Variants in TMEM74 observed in about 807,000 individuals in gnomAD.
The protein encoded by TMEM74 is transmembrane protein 74.
In TMEM74, 13 loss-of-function variants were observed where a neutral mutation model predicts 18.1. The observed-to-expected ratio is 0.72, with a 90% CI of 0.47 to 1.14. The LOEUF is 1.14. TMEM74 is among the 50% of genes most tolerant of loss of function. The probability of loss-of-function intolerance (pLI) is 0.00; values close to 1 mark genes in which losing one functional copy is unlikely to be tolerated. For synonymous variants in TMEM74, 159 were observed against 146.6 expected (o/e 1.08, Z -0.61); for missense variants, 372 against 375.9 (o/e 0.99, Z 0.09).
intron 1 of TMEM74, among the ~76,000 whole-genome samples, chr8:108,688,002 A>C (rs1478800136): frequency 6.6e-6 from 1 of 152,234 alleles, no homozygotes; most frequent in African/African-American, 2.4e-5. Context: ...AAAAGTTATA[A>C]ATATGAAATT....
At chr8:108,704,316 A>G (rs1220495069) in intron 1 of TMEM74, among the ~76,000 whole-genome samples, 2 of 152,130 alleles carry the variant, frequency 1.3e-5, no homozygotes, top group Non-Finnish European at 2.9e-5. Flanking sequence ...TTTTCATCCT[A>G]TTCATCCCAT....
chr8:108,609,958 C>T (rs1563731497), intron 2 of TMEM74, among the ~76,000 whole-genome samples: 1 of 152,136 alleles, frequency 6.6e-6, no homozygotes, highest in Non-Finnish European at 1.5e-5. Flanking sequence ...GAGCTCAGAA[C>T]AGAAGAAGAA....
At chr8:108,744,549 A>G (rs1813831362) in intron 1 of TMEM74, among the ~76,000 whole-genome samples, 1 of 152,192 alleles carries the variant, frequency 6.6e-6, no homozygotes, top group Non-Finnish European at 1.5e-5. Flanking sequence ...ACATTAGTGC[A>G]TAGTAAATCT....
At chr8:108,615,728 G>T (rs1047061050) in intron 2 of TMEM74, among the ~76,000 whole-genome samples, 35 of 151,824 alleles carry the variant, frequency 2.3e-4, no homozygotes, top group African/African-American at 8.0e-4. Context: ...AGCATGTCCC[G>T]TGGGGAGCTC....
chr8:108,751,992 G>T (rs1586284459), intron 1 of TMEM74, among the ~76,000 whole-genome samples: 1 of 152,212 alleles, frequency 6.6e-6, no homozygotes, highest in South Asian at 2.1e-4. Flanking sequence ...TGGATGCTGG[G>T]GACTATGGTC....
intron 1 of TMEM74, among the ~76,000 whole-genome samples, chr8:108,732,509 AC>A: frequency 6.6e-6 from 1 of 152,290 alleles, no homozygotes; most frequent in Middle Eastern, 3.4e-3. Flanking sequence ...AAGTTGCAGT[AC>A]TCAAGACAGT....
At chr8:108,649,460 C>CTTATGT (rs1812751683) in intron 2 of TMEM74, among the ~76,000 whole-genome samples, 1 of 152,122 alleles carries the variant, frequency 6.6e-6, no homozygotes, top group Non-Finnish European at 1.5e-5. Flanking sequence ...CTCTGGAAAA[C>CTTATGT]TTATGTTTAT....
At chr8:108,650,681 T>A (rs1266213417) in intron 2 of TMEM74, among the ~76,000 whole-genome samples, 1 of 151,020 alleles carries the variant, frequency 6.6e-6, no homozygotes, top group Non-Finnish European at 1.5e-5. Flanking sequence ...CTTGAATGTT[T>A]TATTCTCATT....
At chr8:108,630,892 G>T (rs1313199902) in intron 2 of TMEM74, among the ~76,000 whole-genome samples, 1 of 151,914 alleles carries the variant, frequency 6.6e-6, no homozygotes, top group East Asian at 1.9e-4. Context: ...GGAGTCATGA[G>T]TCTACCCCAG....
intron 1 of TMEM74, among the ~76,000 whole-genome samples, chr8:108,708,719 A>G (rs1813442960): frequency 6.8e-6 from 1 of 147,850 alleles, no homozygotes; most frequent in Non-Finnish European, 1.5e-5. Flanking sequence ...AATAAAATGC[A>G]GTCTATGGAA....
chr8:108,756,660 G>GAAAGAAAGA (rs1254638148), intron 1 of TMEM74, among the ~76,000 whole-genome samples: 1 of 76,640 alleles, frequency 1.3e-5, no homozygotes, highest in Non-Finnish European at 2.4e-5. Context: ...GAGAAAGAAA[G>GAAAGAAAGA]AAAGAAAGAA....
chr8:108,695,833 T>C (rs577554388), intron 1 of TMEM74, among the ~76,000 whole-genome samples: 1 of 152,334 alleles, frequency 6.6e-6, no homozygotes, highest in African/African-American at 2.4e-5. Flanking sequence ...AAATTTGTAC[T>C]TTTTCAGTGA....
intron 2 of TMEM74, among the ~76,000 whole-genome samples, chr8:108,642,177 T>C (rs1812671927): frequency 6.6e-6 from 1 of 151,982 alleles, no homozygotes; most frequent in African/African-American, 2.4e-5. Flanking sequence ...CGCGGGTGGA[T>C]TGCCTTAGAT....
intron 1 of TMEM74, among the ~76,000 whole-genome samples, chr8:108,679,290 A>G (rs1463147240): frequency 6.6e-6 from 1 of 152,172 alleles, no homozygotes; most frequent in Non-Finnish European, 1.5e-5. Flanking sequence ...GTCAAATGGT[A>G]TTTCTAGTTC....
chr8:108,729,594 T>C (rs895232736), intron 1 of TMEM74, among the ~76,000 whole-genome samples: 1 of 152,270 alleles, frequency 6.6e-6, no homozygotes, highest in Non-Finnish European at 1.5e-5. Flanking sequence ...AAGATGTTCC[T>C]ATAAAACTAT....
chr8:108,624,058 T>G (rs1245871431), intron 2 of TMEM74, among the ~76,000 whole-genome samples: 1 of 152,106 alleles, frequency 6.6e-6, no homozygotes, highest in African/African-American at 2.4e-5. Context: ...ATGCATAGTC[T>G]TGACAATTTA....
intron 1 of TMEM74, among the ~76,000 whole-genome samples, chr8:108,673,871 A>G (rs2130592411): frequency 6.6e-6 from 1 of 152,328 alleles, no homozygotes; most frequent in South Asian, 2.1e-4. Context: ...ACCCTACTGG[A>G]TAGTATTTAG....
intron 1 of TMEM74, among the ~76,000 whole-genome samples, chr8:108,710,805 T>C (rs1563532276): frequency 2.6e-5 from 4 of 152,244 alleles, no homozygotes; most frequent in Admixed American, 6.5e-5. Context: ...CAGCTCTGAC[T>C]GTCTCTCTCT....
intron 2 of TMEM74, among the ~76,000 whole-genome samples, chr8:108,611,137 T>C (rs1290253767): frequency 6.6e-6 from 1 of 152,226 alleles, no homozygotes; most frequent in Non-Finnish European, 1.5e-5. Context: ...TTTTAAAGCA[T>C]GTAAATATGG....
Sources: allele counts gnomAD v4.1 joint callset (sites outside exome capture counted in the v4.1 genomes callset), GRCh38; gene constraint gnomAD v4.1.1; transcripts MANE v1.5; gene names NCBI Gene and HGNC (gene_info 2026-07-23, HGNC 2026-07-21).